The following STXBP5 variants were observed in gnomAD, a reference collection of about 807,000 sequenced individuals.
STXBP5 encodes syntaxin binding protein 5.
STXBP5 carries 50 observed loss-of-function variants against 152.4 expected under a neutral mutation model. The observed-to-expected ratio is 0.33, with a 90% CI of 0.26 to 0.42. STXBP5 has a LOEUF of 0.42. STXBP5 is among the 10% of genes least tolerant of loss of function. STXBP5 has a pLI of 1.00. For missense variants in STXBP5, 1,167 were observed against 1,388.6 expected, an observed-to-expected ratio of 0.84 and a Z score of 2.54; for synonymous variants, 492 against 494.7, an observed-to-expected ratio of 0.99 and a Z score of 0.07.
At chr6:147,232,610 A>C (rs984155583) in intron 2 of STXBP5, among the ~76,000 whole-genome samples, 11 of 151,904 alleles carry the variant, frequency 7.2e-5, no homozygotes, top group South Asian at 4.1e-4. Context: ...TTGAGAAAAA[A>C]TCATTTCTCT....
intron 7 of STXBP5, among the ~76,000 whole-genome samples, chr6:147,268,505 T>C (rs1486436737): frequency 6.6e-6 from 1 of 152,174 alleles, no homozygotes; most frequent in Non-Finnish European, 1.5e-5. Context: ...GTACATTATC[T>C]TTTTAGGCAT....
chr6:147,235,344 T>G lies in STXBP5; in HGVS notation c.330+13T>G, dbSNP rs1467199953. The G allele has an allele frequency of 1.2e-6, 2 of 1,606,772 alleles. No individual in the cohort carries two copies. The highest frequency in any genetic ancestry group is 2.7e-5 in the African/African-American group (2 of 74,802). ...CCTGATTAATGAGGTTAGTGAATTG[T>G]TTTAATCATTTCTACTTATATCCAA... On this transcript the variant is annotated intron_variant, in intron 3 of 27. Coordinates refer to ENST00000321680, the MANE Select transcript of STXBP5 (RefSeq NM_001127715.4).
At position 147,314,227 on chromosome 6, in the gene STXBP5, C is replaced by T. The variant is rs553457397; in HGVS notation, c.1294-37C>T. On this transcript the variant is annotated intron_variant, in intron 12 of 27. Coordinates refer to ENST00000321680, the MANE Select transcript of STXBP5 (RefSeq NM_001127715.4). Reference sequence around the variant, plus strand: ...CACACACACGGAGGTATGTAGTATGCTTGCAAGTTGCTTTATACAGTCATC... The same window carrying T: ...CACACACACGGAGGTATGTAGTATGTTTGCAAGTTGCTTTATACAGTCATC... The T allele has an allele frequency of 3.9e-5, 60 of 1,543,012 alleles. 2 individuals are homozygous for T. The South Asian group carries it at 6.0e-4, about 15-fold the overall frequency.
chr6:147,309,748 G>A (rs1310482095), intron 9 of STXBP5, among the ~76,000 whole-genome samples: 1 of 152,022 alleles, frequency 6.6e-6, no homozygotes, highest in African/African-American at 2.4e-5. Flanking sequence ...GAGAAGGCCT[G>A]GTTAGGATTG....
chr6:147,211,320 A>G (rs979258587), intron 2 of STXBP5, among the ~76,000 whole-genome samples: 1 of 152,000 alleles, frequency 6.6e-6, no homozygotes, highest in Non-Finnish European at 1.5e-5. Context: ...AAAAAAAAAA[A>G]AAAAAAGGTT....
Position 147,351,071 on chromosome 6 carries a change from G to A in STXBP5, c.2255-2252G>A, listed in dbSNP as rs1361924859. 3.9e-5 allele frequency among the ~76,000 whole-genome samples: 6 copies of A among 152,234 alleles called. No homozygotes were observed. In the East Asian group the frequency reaches 1.2e-3, roughly 29 times the overall value. ...TGGGCCTAATTATATAGACGTACTGGGATTAATAGTTTTGTCTTGGTTACT... is the reference window on the plus strand; with the variant it reads ...TGGGCCTAATTATATAGACGTACTGAGATTAATAGTTTTGTCTTGGTTACT... On this transcript the variant is annotated intron_variant, in intron 21 of 27. Transcript: ENST00000321680.
chr6:147,362,561 G>A (rs1785113613), intron 23 of STXBP5, among the ~76,000 whole-genome samples: 1 of 152,148 alleles, frequency 6.6e-6, no homozygotes, highest in Admixed American at 6.5e-5. Flanking sequence ...TTTGACAGTT[G>A]TTGTAAATCA....
rs912765928 is a variant in STXBP5, at chr6:147,325,078, A to G, written c.1922A>G (p.Tyr641Cys). 3 of 1,536,350 alleles carry G rather than the reference A, an allele frequency of 2.0e-6. No individual in the cohort carries two copies. Among genetic ancestry groups the G allele is most frequent in the Non-Finnish European group, 1.8e-6 (2 of 1,137,956 alleles). Residue 641 changes from tyrosine (Y) to cysteine (C), a missense_variant, in exon 17 of 28, where the codon TAT becomes TGT. This residue lies in a region of STXBP5 where 833 missense variants were observed against 986.3 expected (regional missense o/e 0.84). Transcript: ENST00000321680. ...QITSLAVNSSYGLVVFGNCNG... is the reference protein window; with the variant it reads ...QITSLAVNSSCGLVVFGNCNG... Reference sequence around the variant, plus strand: ...ACCAGCCTGGCAGTCAATTCTTCCTATGGACTGTAAGTATAAGTTACGTTT... The same window carrying G: ...ACCAGCCTGGCAGTCAATTCTTCCTGTGGACTGTAAGTATAAGTTACGTTT...
intron 6 of STXBP5, 41 bp downstream of exon 6, chr6:147,262,394 T>G (rs1779685603): frequency 8.2e-7 from 1 of 1,220,188 alleles, no homozygotes; most frequent in African/African-American, 1.6e-5. Context: ...AATGCACAAA[T>G]TTTAGTATTT....
chr6:147,350,265 G>C (rs1784529508), intron 21 of STXBP5, among the ~76,000 whole-genome samples: 1 of 151,848 alleles, frequency 6.6e-6, no homozygotes, highest in Non-Finnish European at 1.5e-5. Flanking sequence ...CTATGGGAGA[G>C]GTTAACTTAA....
At chr6:147,293,160 A>G (rs1781361202) in intron 9 of STXBP5, 1 of 152,188 alleles carries the variant, frequency 6.6e-6, no homozygotes, top group East Asian at 1.9e-4. Context: ...GATATGTAGT[A>G]TATCATCGAG....
chr6:147,359,457 A>G, intron 23 of STXBP5, 134 bp downstream of exon 23: 1 of 1,100,998 alleles, frequency 9.1e-7, no homozygotes, highest in East Asian at 2.8e-5. Context: ...GGCCTTATTT[A>G]TTTATTTTTT....
rs78629739 is a variant in STXBP5, at chr6:147,207,454, C to T, written c.248+1386C>T. Among the ~76,000 whole-genome samples, 932 of 152,184 alleles carry T rather than the reference C, an allele frequency of 6.1e-3. 10 individuals are homozygous for T. Among genetic ancestry groups the T allele is most frequent in the African/African-American group, 0.021 (891 of 41,518 alleles). ...GACGGTGTGTCTGAAGTGCTCTTGC[C>T]CAAATATCTAGATAGTTATGACCAG... On this transcript the variant is annotated intron_variant, in intron 2 of 27. Transcript: ENST00000321680.
chr6:147,258,205 ATCT>A (rs1779469936), intron 4 of STXBP5, among the ~76,000 whole-genome samples: 1 of 152,196 alleles, frequency 6.6e-6, no homozygotes, highest in African/African-American at 2.4e-5. Context: ...GTAATCTGAA[ATCT>A]TCTACGTTTG....
intron 18 of STXBP5, among the ~76,000 whole-genome samples, chr6:147,330,889 GT>G (rs1292025966): frequency 6.6e-6 from 1 of 152,170 alleles, no homozygotes; most frequent in African/African-American, 2.4e-5. Context: ...TGTAAATACA[GT>G]TTTATTGGAA....
At chr6:147,287,122 A>G (rs1370087611) in intron 8 of STXBP5, among the ~76,000 whole-genome samples, 1 of 150,162 alleles carries the variant, frequency 6.7e-6, no homozygotes, top group Non-Finnish European at 1.5e-5. Flanking sequence ...AGAATGGGGT[A>G]TTAATCCCCT....
In STXBP5 at chr6:147,226,722, T is replaced by C. The variant is rs564101401; in HGVS notation, c.249-8528T>C. Among the ~76,000 whole-genome samples the C allele has an allele frequency of 2.0e-3, 305 of 152,352 alleles. 1 individual carries two copies. The highest frequency in any genetic ancestry group is 1.9e-3 in the Non-Finnish European group (126 of 68,026). On this transcript the variant is annotated intron_variant, in intron 2 of 27. Coordinates refer to ENST00000321680, the MANE Select transcript of STXBP5 (RefSeq NM_001127715.4). ...AATATTGTTACCTATGAAATTCTTA[T>C]CTACTTGGAGTAACTGAAGACCTAA...
chr6:147,339,705 TTTC>T (rs1784003954), intron 21 of STXBP5, among the ~76,000 whole-genome samples: 1 of 151,922 alleles, frequency 6.6e-6, no homozygotes, highest in African/African-American at 2.4e-5. Context: ...GAAGCAATGG[TTTC>T]TTTATAGTTT....
rs755841773 is a variant in STXBP5 at position 147,313,987 on chromosome 6, T to C, written c.1249T>C (p.Tyr417His). The change falls in exon 12 of 28, where the codon TAT (tyrosine) becomes CAT (histidine). Residue 417 changes from tyrosine (Y) to histidine (H), a missense_variant. Coordinates refer to ENST00000321680, the MANE Select transcript of STXBP5 (RefSeq NM_001127715.4). ...DCPVDLIPALYSVGARQKRQG... is the reference protein window; with the variant it reads ...DCPVDLIPALHSVGARQKRQG... ...TCCTGTGGACCTTATTCCTGCACTT[T>C]ATTCTGTTGGAGCTAGACAGAAACG... The C allele has an allele frequency of 2.5e-6, 4 of 1,601,694 alleles. No homozygotes were observed. Among genetic ancestry groups the C allele is most frequent in the Non-Finnish European group, 3.4e-6 (4 of 1,172,002 alleles).
Sources: allele counts gnomAD v4.1 joint callset (sites outside exome capture counted in the v4.1 genomes callset), GRCh38; gene constraint gnomAD v4.1.1; regional missense constraint gnomAD v4.1.1; transcripts MANE v1.5; gene names NCBI Gene and HGNC (gene_info 2026-07-23, HGNC 2026-07-21).